TBC1D5: variants seen among roughly 807,000 people sequenced by gnomAD.
TBC1D5 encodes the protein TBC1 domain family member 5.
Under a neutral mutation model 100.3 loss-of-function variants are expected in TBC1D5, and 75 were observed. The observed-to-expected ratio is 0.75, with a 90% CI of 0.62 to 0.91. TBC1D5 has a LOEUF of 0.91. Ranked by LOEUF, TBC1D5 falls within the 40% of genes least tolerant of loss-of-function variation. The pLI, the probability that TBC1D5 is intolerant of heterozygous loss-of-function variation, is 0.00. For synonymous variants in TBC1D5, 323 were observed against 325.6 expected (o/e 0.99, Z 0.09); for missense variants, 910 against 942.4 (o/e 0.97, Z 0.45).
chr3:17,613,324 T>C (rs1007805585), intron 2 of TBC1D5, among the ~76,000 whole-genome samples: 6 of 152,244 alleles, frequency 3.9e-5, no homozygotes, highest in African/African-American at 1.4e-4. Context: ...TCTGCTATCG[T>C]GAATAGTGCC....
intron 2 of TBC1D5, among the ~76,000 whole-genome samples, chr3:17,536,156 A>C (rs1176711502): frequency 1.3e-5 from 2 of 152,218 alleles, no homozygotes; most frequent in African/African-American, 4.8e-5. Context: ...TAGTCTTTAC[A>C]AACTGTTGAA....
At chr3:17,366,311 A>C (rs376720040) in intron 13 of TBC1D5, among the ~76,000 whole-genome samples, 78 of 152,196 alleles carry the variant, frequency 5.1e-4, no homozygotes, top group African/African-American at 1.4e-3. Flanking sequence ...AACAAAAAAA[A>C]ACAAAAAAAC....
chr3:17,369,732 G>C (rs1257858515), intron 13 of TBC1D5, among the ~76,000 whole-genome samples: 1 of 152,044 alleles, frequency 6.6e-6, no homozygotes, highest in Non-Finnish European at 1.5e-5. Context: ...GTACAGCTTA[G>C]GGATATAAGA....
intron 1 of TBC1D5, among the ~76,000 whole-genome samples, chr3:17,647,424 C>A (rs1299941869): frequency 1.3e-5 from 2 of 152,056 alleles, no homozygotes; most frequent in African/African-American, 4.8e-5. Context: ...GGGAAGTTGG[C>A]GTAGGGAAAG....
At chr3:17,196,604 T>A (rs1195538271) in intron 18 of TBC1D5, among the ~76,000 whole-genome samples, 3 of 152,216 alleles carry the variant, frequency 2.0e-5, no homozygotes, top group Non-Finnish European at 4.4e-5. Flanking sequence ...AGAATTCTGA[T>A]GAGGAGTCAA....
intron 18 of TBC1D5, among the ~76,000 whole-genome samples, chr3:17,198,329 C>G (rs2070997080): frequency 6.6e-6 from 1 of 152,058 alleles, no homozygotes; most frequent in Non-Finnish European, 1.5e-5. Flanking sequence ...TAAGGGTAAT[C>G]TAGGAATTTT....
At chr3:17,306,723 T>C (rs1386924580) in intron 14 of TBC1D5, among the ~76,000 whole-genome samples, 1 of 152,158 alleles carries the variant, frequency 6.6e-6, no homozygotes, top group East Asian at 1.9e-4. Context: ...TTGGAAAATT[T>C]TGCATAAATA....
intron 13 of TBC1D5, among the ~76,000 whole-genome samples, chr3:17,328,168 G>A (rs1310093192): frequency 6.6e-6 from 1 of 152,028 alleles, no homozygotes; most frequent in Non-Finnish European, 1.5e-5. Flanking sequence ...TACTTGGGAG[G>A]CTGAAGTGGG....
intron 2 of TBC1D5, among the ~76,000 whole-genome samples, chr3:17,523,445 T>C (rs1225955770): frequency 1.3e-5 from 2 of 152,028 alleles, no homozygotes; most frequent in Admixed American, 1.3e-4. Flanking sequence ...GGTCAAGGGG[T>C]AAATACAGGG....
intron 2 of TBC1D5, among the ~76,000 whole-genome samples, chr3:17,610,943 G>C (rs1577007011): frequency 6.6e-6 from 1 of 152,168 alleles, no homozygotes; most frequent in African/African-American, 2.4e-5. Context: ...CTGGGAGGCA[G>C]AGGTTGCAGT....
chr3:17,450,531 A>G (rs2094901176), intron 3 of TBC1D5, among the ~76,000 whole-genome samples: 1 of 152,190 alleles, frequency 6.6e-6, no homozygotes, highest in Non-Finnish European at 1.5e-5. Flanking sequence ...AGTGTAGAGA[A>G]GAACATAAAT....
intron 19 of TBC1D5, among the ~76,000 whole-genome samples, chr3:17,169,816 T>G (rs1423037519): frequency 2.6e-5 from 4 of 152,264 alleles, no homozygotes. Flanking sequence ...TACCAGAGAC[T>G]GGTTTCATGG....
intron 15 of TBC1D5, among the ~76,000 whole-genome samples, chr3:17,283,437 G>C (rs1005211261): frequency 6.6e-6 from 1 of 152,132 alleles, no homozygotes. Flanking sequence ...GGAGCATGTT[G>C]ACATAAATGA....
rs116002602 is a variant in TBC1D5, at chr3:17,706,842, A to G, written c.-101+32501T>C. Among the ~76,000 whole-genome samples, 1,067 of 151,840 alleles carry G rather than the reference A, an allele frequency of 7.0e-3. 12 individuals are homozygous for G. The highest frequency in any genetic ancestry group is 0.024 in the African/African-American group (982 of 41,536). On this transcript the variant is annotated intron_variant, in intron 1 of 21. Coordinates refer to ENST00000253692, the Ensembl canonical transcript of TBC1D5. The stretch of plus-strand genomic sequence containing the variant: ...TTAACAAAAAAATTAGATCTAATCT[A>G]AAATTTTAAGAAAGACCTTTTTTTT...
intron 12 of TBC1D5, among the ~76,000 whole-genome samples, chr3:17,374,013 T>C (rs922598673): frequency 2.0e-5 from 3 of 152,090 alleles, no homozygotes; most frequent in African/African-American, 7.2e-5. Context: ...GTGAATTATA[T>C]AAAAATTTAA....
At chr3:17,508,156 C>G (rs1277488181) in intron 3 of TBC1D5, among the ~76,000 whole-genome samples, 1 of 152,048 alleles carries the variant, frequency 6.6e-6, no homozygotes, top group Non-Finnish European at 1.5e-5. Context: ...ATTTAAGAAT[C>G]TTTAAAAGAT....
At chr3:17,295,386 T>C (rs761628143) in intron 14 of TBC1D5, among the ~76,000 whole-genome samples, 1 of 152,158 alleles carries the variant, frequency 6.6e-6, no homozygotes, top group African/African-American at 2.4e-5. Flanking sequence ...TATGGTACAT[T>C]TCCCCATCTT....
chr3:17,300,636 A>T (rs2082725931), intron 14 of TBC1D5, among the ~76,000 whole-genome samples: 1 of 152,238 alleles, frequency 6.6e-6, no homozygotes, highest in Non-Finnish European at 1.5e-5. Context: ...ATTATAGTAG[A>T]GTATTGTAAC....
intron 3 of TBC1D5, among the ~76,000 whole-genome samples, chr3:17,486,155 G>T (rs540496105): frequency 1.2e-3 from 176 of 151,846 alleles, no homozygotes; most frequent in African/African-American, 3.8e-3. Context: ...GAGAAGTGTC[G>T]GTTCATATCC....
Sources: gnomAD v4.1 joint callset for allele counts (sites outside exome capture counted in the v4.1 genomes callset) on GRCh38, gnomAD v4.1.1 for gene constraint, MANE v1.5 for transcripts, NCBI Gene and HGNC (gene_info 2026-07-23, HGNC 2026-07-21) for gene names.